The following CRYL1 variants were observed in gnomAD, a reference collection of about 807,000 sequenced individuals.
The protein encoded by CRYL1 is lambda-crystallin homolog.
A neutral mutation model predicts 36.6 loss-of-function variants in CRYL1; 29 were observed. The observed-to-expected ratio is 0.79, with a 90% CI of 0.59 to 1.08. The LOEUF (loss-of-function observed/expected upper bound fraction) is 1.08, where lower values mean the gene tolerates loss of function less well. Ranked by LOEUF, CRYL1 falls within the 50% of genes least tolerant of loss-of-function variation. The pLI is 0.00. For missense variants in CRYL1, 411 were observed against 407.9 expected (o/e 1.01, Z -0.06); for synonymous variants, 152 against 151.5 (o/e 1.00, Z -0.02).
rs553002179 is a variant in CRYL1 at position 20,415,835 on chromosome 13, G to A, written c.634-2448C>T. ...GCCCATTTCTAATCTTCCTGTAAGT[G>A]GAATCACTGAGCGCGCGTTCTTTCG... is the stretch of plus-strand genomic sequence containing the variant. On this transcript the variant is annotated intron_variant, in intron 5 of 7. Coordinates refer to ENST00000298248, the MANE Select transcript of CRYL1 (RefSeq NM_015974.3). This position sits in a 1 kb window ranked among gnomAD's most constrained non-coding sequence, Gnocchi z 4.1. Among the ~76,000 whole-genome samples the A allele has an allele frequency of 6.6e-6, 1 of 152,200 alleles. No individual in the cohort carries two copies. Among genetic ancestry groups the A allele is most frequent in the Non-Finnish European group, 1.5e-5 (1 of 68,048 alleles).
rs576655644 is a variant in CRYL1 at position 20,488,736 on chromosome 13, G to A, written c.276+634C>T. 3.3e-5 allele frequency among the ~76,000 whole-genome samples: 5 copies of A among 152,360 alleles called. No individual in the cohort carries two copies. The South Asian group carries it at 8.3e-4, about 25-fold the overall frequency. ...GTAAGTGCAGCCTTTGAAAAGACAA[G>A]GGTATGCCTCAGGATTCTTCAACAG... On this transcript the variant is annotated intron_variant, in intron 3 of 7. Transcript: ENST00000298248.
chr13:20,484,093 G>A (rs1243289237), intron 3 of CRYL1, among the ~76,000 whole-genome samples: 1 of 152,240 alleles, frequency 6.6e-6, no homozygotes, highest in Admixed American at 6.5e-5. Flanking sequence ...TGGGATTACA[G>A]GCGTGAGCCA....
At chr13:20,432,319 G>A in intron 4 of CRYL1, 23 bp from the exon 5 acceptor site, 2 of 1,575,920 alleles carry the variant, frequency 1.3e-6, no homozygotes, top group Non-Finnish European at 1.7e-6. Flanking sequence ...AGAGAAGTGG[G>A]GGAGTCAAGG....
In CRYL1 at chr13:20,481,860, A is replaced by T. The variant is rs2033285319; in HGVS notation, c.276+7510T>A. ...CGGGAAGCAGAGGTTGCAGTGAATC[A>T]AGATCGCACCACTGCACTCCAGCCT... is the stretch of plus-strand genomic sequence containing the variant. On this transcript the variant is annotated intron_variant, in intron 3 of 7. Transcript: ENST00000298248. This position sits in a 1 kb window ranked among gnomAD's most constrained non-coding sequence, Gnocchi z 4.1. Among the ~76,000 whole-genome samples the T allele has an allele frequency of 6.6e-6, 1 of 152,136 alleles. No individual in the cohort carries two copies. Among genetic ancestry groups the T allele is most frequent in the Admixed American group, 6.6e-5 (1 of 15,254 alleles).
At chr13:20,508,866 A>AC (rs2033856330) in intron 2 of CRYL1, among the ~76,000 whole-genome samples, 1 of 32,268 alleles carries the variant, frequency 3.1e-5, no homozygotes, top group African/African-American at 1.0e-4. Context: ...AAAAAAAAAA[A>AC]AAAAAAAAAC....
intron 6 of CRYL1, among the ~76,000 whole-genome samples, chr13:20,411,661 A>T (rs1403993687): frequency 1.3e-5 from 2 of 152,328 alleles, no homozygotes; most frequent in East Asian, 3.9e-4. Context: ...ATTTGAAATG[A>T]TCTAAGACTT....
chr13:20,412,087 A>G (rs1470827505), intron 6 of CRYL1, among the ~76,000 whole-genome samples: 2 of 152,090 alleles, frequency 1.3e-5, no homozygotes, highest in Admixed American at 1.3e-4. Flanking sequence ...TCCTCTCAAC[A>G]TCTAAACCTC....
rs1294770948 is a variant in CRYL1, at chr13:20,435,433, CG to C, written c.439-3138del. Among the ~76,000 whole-genome samples, 1 of 152,130 alleles carries C rather than the reference CG, an allele frequency of 6.6e-6. No homozygotes were observed. Among genetic ancestry groups the C allele is most frequent in the Non-Finnish European group, 1.5e-5 (1 of 68,010 alleles). ...CCATCCACACCTCCGTGTCCACCTA[CG>C]GAAGCCGCCGCAAAAGGACCTTCGA... On this transcript the variant is annotated intron_variant, in intron 4 of 7. Coordinates refer to ENST00000298248, the MANE Select transcript of CRYL1 (RefSeq NM_015974.3). The surrounding 1 kb of genome is among the most constrained non-coding windows in gnomAD (Gnocchi z 4.0).
At chr13:20,443,626 C>A (rs2032394387) in intron 3 of CRYL1, among the ~76,000 whole-genome samples, 1 of 152,172 alleles carries the variant, frequency 6.6e-6, no homozygotes, top group East Asian at 1.9e-4. Flanking sequence ...CTCCTGACCT[C>A]AGGTGATCTG....
rs7997899 is a variant in CRYL1, at chr13:20,481,434, C to T, written c.276+7936G>A. Reference sequence around the variant, plus strand: ...TCAGTGGTGGGCAAGGCCTGGGGAACGGTGGGAGGAAATTAGCTGCAAAGG... The same window carrying T: ...TCAGTGGTGGGCAAGGCCTGGGGAATGGTGGGAGGAAATTAGCTGCAAAGG... On this transcript the variant is annotated intron_variant, in intron 3 of 7. Coordinates refer to ENST00000298248, the MANE Select transcript of CRYL1 (RefSeq NM_015974.3). The surrounding 1 kb of genome is among the most constrained non-coding windows in gnomAD (Gnocchi z 4.1). Among the ~76,000 whole-genome samples the T allele has an allele frequency of 0.048, 7,322 of 152,062 alleles. 614 individuals carry two copies. The highest frequency in any genetic ancestry group is 0.17 in the African/African-American group (6,888 of 41,430).
At position 20,481,516 on chromosome 13, in the gene CRYL1, G is replaced by A. The variant is rs1182696392; in HGVS notation, c.276+7854C>T. ...TGTGACGCTGATTTCATACGTGACTGTACGCATCTGTCAGACACATAGCAC... is the reference window on the plus strand; with the variant it reads ...TGTGACGCTGATTTCATACGTGACTATACGCATCTGTCAGACACATAGCAC... On this transcript the variant is annotated intron_variant, in intron 3 of 7. Coordinates refer to ENST00000298248, the MANE Select transcript of CRYL1 (RefSeq NM_015974.3). The surrounding 1 kb of genome is among the most constrained non-coding windows in gnomAD (Gnocchi z 4.1). Among the ~76,000 whole-genome samples the A allele has an allele frequency of 6.6e-6, 1 of 152,158 alleles. No homozygotes were observed. The highest frequency in any genetic ancestry group is 1.5e-5 in the Non-Finnish European group (1 of 68,046).
intron 3 of CRYL1, among the ~76,000 whole-genome samples, chr13:20,476,084 G>A (rs538743177): frequency 1.6e-3 from 242 of 152,314 alleles, no homozygotes; most frequent in Non-Finnish European, 2.4e-3. Context: ...GGAAACCACA[G>A]TAGCAGCCTC....
intron 3 of CRYL1, 47 bp from the exon 4 acceptor site, chr13:20,439,801 G>A: frequency 6.5e-7 from 1 of 1,546,704 alleles, no homozygotes; most frequent in Non-Finnish European, 8.9e-7. Context: ...CTCGACTCAG[G>A]CCCCAAGCAA....
chr13:20,404,816 A>T, intron 6 of CRYL1, 75 bp from the exon 7 acceptor site: 1 of 1,019,156 alleles, frequency 9.8e-7, no homozygotes, highest in South Asian at 1.3e-5. Flanking sequence ...TCAGAAATGC[A>T]TTCAGAGAGT....
At chr13:20,510,999 C>T (rs1419910914) in intron 2 of CRYL1, among the ~76,000 whole-genome samples, 1 of 152,112 alleles carries the variant, frequency 6.6e-6, no homozygotes, top group South Asian at 2.1e-4. Flanking sequence ...ATGCCAAGTC[C>T]CCTTCCTTCC....
At chr13:20,405,662 G>A (rs1014315589) in intron 6 of CRYL1, among the ~76,000 whole-genome samples, 1 of 152,178 alleles carries the variant, frequency 6.6e-6, no homozygotes, top group African/African-American at 2.4e-5. Context: ...CCCCATGCAC[G>A]CTCCCCACGC....
chr13:20,454,415 G>A, intron 3 of CRYL1, among the ~76,000 whole-genome samples: 1 of 124,848 alleles, frequency 8.0e-6, no homozygotes, highest in Admixed American at 7.9e-5. Context: ...CCCCATTCGT[G>A]TTTGTTTTTT....
chr13:20,519,527 C>A (rs1297898759), intron 1 of CRYL1, among the ~76,000 whole-genome samples: 1 of 145,422 alleles, frequency 6.9e-6, no homozygotes, highest in African/African-American at 2.5e-5. Flanking sequence ...CTTTAGGAGG[C>A]TGAAGTAGGT....
At position 20,525,774 on chromosome 13, in the gene CRYL1, G is replaced by A. The variant is rs1037175661; in HGVS notation, c.21C>T (p.Gly7=). 4 of 1,294,094 alleles carry A rather than the reference G, an allele frequency of 3.1e-6. No homozygotes were observed. The highest frequency in any genetic ancestry group is 1.5e-5 in the African/African-American group (1 of 65,230). 80.2% of individuals were successfully genotyped at this position (1,294,094 alleles called of 1,614,324 possible). ...TTTACCTGCCAACGATCACCACGCA[G>A]CCGGCCGCGGAGGACGCCATGGTTG... MASSAA[G]CVVIVGSGVI... Residue 7 remains glycine, a synonymous_variant, in exon 1 of 8, where the codon GGC becomes GGT. Coordinates refer to ENST00000298248, the MANE Select transcript of CRYL1 (RefSeq NM_015974.3). This position sits in a 1 kb window ranked among gnomAD's most constrained non-coding sequence, Gnocchi z 4.3.
Sources: allele counts gnomAD v4.1 joint callset (sites outside exome capture counted in the v4.1 genomes callset), GRCh38; gene constraint gnomAD v4.1.1; non-coding constraint Gnocchi (gnomAD v3.1); transcripts MANE v1.5; gene names NCBI Gene and HGNC (gene_info 2026-07-23, HGNC 2026-07-21).